Variants in C1QBP observed in about 807,000 individuals in gnomAD.
The protein encoded by C1QBP is complement component 1 Q subcomponent-binding protein, mitochondrial.
In C1QBP, 24 loss-of-function variants were observed where a neutral mutation model predicts 29.4. That is an observed-to-expected ratio of 0.82 (90% CI 0.59 to 1.15). The LOEUF is 1.15. Among genes scored for constraint, C1QBP ranks in the 50% most tolerant of loss-of-function variants. The probability of loss-of-function intolerance (pLI) is 0.00; values close to 1 mark genes in which losing one functional copy is unlikely to be tolerated. For synonymous variants in C1QBP, 182 were observed against 149.2 expected (o/e 1.22, Z -1.60); for missense variants, 337 against 355.8 (o/e 0.95, Z 0.43).
rs565317994 is a variant in C1QBP at position 5,438,131 on chromosome 17, G to A, written c.375C>T (p.Ala125=). 46 of 1,611,894 alleles carry A rather than the reference G, an allele frequency of 2.9e-5. 2 individuals are homozygous for A. Among genetic ancestry groups the A allele is most frequent in the African/African-American group, 1.3e-5 (1 of 74,838 alleles). ...CCCAGACCAGTACTTACTTTTCCCC[G>A]GCAACTTTCCGCACTAATTTCGCTT... ...GTEAKLVRKV[A]GEKITVTFNI... Residue 125 remains alanine, a synonymous_variant, in exon 2 of 6, where the codon GCC becomes GCT. Transcript: ENST00000225698.
Position 5,433,336 on chromosome 17 carries a change from C to CA in C1QBP, c.655dup (p.Trp219LeufsTer5). 1 of 1,614,206 alleles carries CA rather than the reference C, an allele frequency of 6.2e-7. No homozygotes were observed. Among genetic ancestry groups the CA allele is most frequent in the Non-Finnish European group, 8.5e-7 (1 of 1,180,044 alleles). ...GTTGAGTGTATAATTAGTATCCTTC[C>CA]ATTCAGACTCGCCAGTGGACTGAAA... is the stretch of plus-strand genomic sequence containing the variant. On this transcript the variant is annotated frameshift_variant, in exon 5 of 6. Transcript: ENST00000225698. LOFTEE classifies it high-confidence loss of function.
At chr17:5,434,746 G>A (rs1024278445) in intron 3 of C1QBP, 127 bp downstream of exon 3, 9 of 750,308 alleles carry the variant, frequency 1.2e-5, no homozygotes, top group South Asian at 7.3e-5. Flanking sequence ...GATTATAGGC[G>A]TGAGCCATGC....
chr17:5,433,041 G>A lies in C1QBP; in HGVS notation c.823C>T (p.Leu275Phe), dbSNP rs1555532484. The A allele has an allele frequency of 6.2e-7, 1 of 1,613,532 alleles. No homozygotes were observed. The highest frequency in any genetic ancestry group is 8.5e-7 in the Non-Finnish European group (1 of 1,179,872). ...HQEYITFLED[L>F]KSFVKSQ The stretch of plus-strand genomic sequence containing the variant: ...TACTGGCTCTTGACAAAACTCTTGA[G>A]GTCTTCAAGAAAAGTAATGTACTCC... Residue 275 changes from leucine to phenylalanine, a missense_variant, in exon 6 of 6, where the codon CTC (leucine) becomes TTC (phenylalanine). Physicochemically the swap from Leu to Phe is conservative, Grantham distance 22. Transcript: ENST00000225698.
chr17:5,438,861 G>GCAGCCA lies in C1QBP; in HGVS notation c.207_212dup (p.Cys71_Gly72dup), dbSNP rs1274519768. 6.7e-5 allele frequency: 104 copies of GCAGCCA among 1,545,568 alleles called. No individual in the cohort carries two copies. Among genetic ancestry groups the GCAGCCA allele is most frequent in the Middle Eastern group, 2.2e-4 (1 of 4,520 alleles). On this transcript the variant is annotated inframe_insertion, in exon 1 of 6. Transcript: ENST00000225698. ...CCTCACCGTCGGTGTGCAGCGAGCCGCAGCCACAGCCACAGGCGCAGGGTC... is the reference window on the plus strand; with the variant it reads ...CCTCACCGTCGGTGTGCAGCGAGCCGCAGCCACAGCCACAGCCACAGGCGCAGGGTC...
intron 3 of C1QBP, among the ~76,000 whole-genome samples, chr17:5,434,419 G>A (rs2151676388): frequency 6.6e-6 from 1 of 151,326 alleles, no homozygotes; most frequent in Non-Finnish European, 1.5e-5. Flanking sequence ...TGAAGAGTAG[G>A]CATGATCCAG....
Position 5,439,089 on chromosome 17 carries a change from G to C in C1QBP, c.-16C>G, listed in dbSNP as rs776202786. On this transcript the variant is annotated 5_prime_UTR_variant, in exon 1 of 6. Coordinates refer to ENST00000225698, the MANE Select transcript of C1QBP (RefSeq NM_001212.4). Reference sequence around the variant, plus strand: ...GAGGCAGCATCGCGGAAACGACTGCGAACACGTGCAGATGCAAAGGACAAC... The same window carrying C: ...GAGGCAGCATCGCGGAAACGACTGCCAACACGTGCAGATGCAAAGGACAAC... 1 of 1,540,432 alleles carries C rather than the reference G, an allele frequency of 6.5e-7. No individual in the cohort carries two copies. The highest frequency in any genetic ancestry group is 1.4e-5 in the African/African-American group (1 of 71,600).
chr17:5,432,891 TG>T lies in C1QBP; in HGVS notation c.*123del. 1 of 1,142,932 alleles carries T rather than the reference TG, an allele frequency of 8.7e-7. No homozygotes were observed. The highest frequency in any genetic ancestry group is 1.8e-5 in the South Asian group (1 of 56,800). 70.8% of individuals were successfully genotyped at this position (1,142,932 alleles called of 1,614,324 possible). A position where few individuals can be genotyped will look rare whatever the true frequency, so the allele number is the denominator to read the frequency against. On this transcript the variant is annotated 3_prime_UTR_variant, in exon 6 of 6. Coordinates refer to ENST00000225698, the MANE Select transcript of C1QBP (RefSeq NM_001212.4). The stretch of plus-strand genomic sequence containing the variant: ...GAACACAAAACATATAATTTAAATT[TG>T]GTATTTTTTCCCCCATGATATTAGG...
intron 4 of C1QBP, 77 bp downstream of exon 4, chr17:5,433,592 A>G (rs1280335655): frequency 1.3e-6 from 2 of 1,550,972 alleles, no homozygotes; most frequent in African/African-American, 2.7e-5. Context: ...AATTTCTGCT[A>G]AAATAGGGAC....
chr17:5,439,016 G>A lies in C1QBP; in HGVS notation c.58C>T (p.Arg20Cys). ...RVLGSSVAGL[R>C]AAAPASPFRQ... ...AAAGGCGAGGCGGGCGCGGCAGCGC[G>A]GAGGCCGGCGACGGAGGAGCCCAGC... Residue 20 changes from arginine to cysteine, a missense_variant, in exon 1 of 6, where the codon CGC becomes TGC. Coordinates refer to ENST00000225698, the MANE Select transcript of C1QBP (RefSeq NM_001212.4). 1 of 1,499,132 alleles carries A rather than the reference G, an allele frequency of 6.7e-7. No homozygotes were observed. 92.9% of individuals were successfully genotyped at this position (1,499,132 alleles called of 1,614,324 possible).
intron 1 of C1QBP, 80 bp downstream of exon 1, chr17:5,438,762 G>A (rs1044683964): frequency 9.0e-5 from 139 of 1,542,802 alleles, no homozygotes; most frequent in East Asian, 6.7e-4. Flanking sequence ...AGACCTCAGA[G>A]GTCGGTTGCA....
At position 5,433,367 on chromosome 17, in the gene C1QBP, C is replaced by T. The variant is rs763067723; in HGVS notation, c.625G>A (p.Val209Ile). ...GACTCGCCAGTGGACTGAAAGCTAACTTCCCTGATAGAGAAGATGTCACTC... is the reference window on the plus strand; with the variant it reads ...GACTCGCCAGTGGACTGAAAGCTAATTTCCCTGATAGAGAAGATGTCACTC... ...AESDIFSIRE[V>I]SFQSTGESEW... is the part of the protein sequence containing the mutation. The change falls in exon 5 of 6, where the codon GTT becomes ATT. Residue 209 changes from valine to isoleucine, a missense_variant. Coordinates refer to ENST00000225698, the MANE Select transcript of C1QBP (RefSeq NM_001212.4). 4 of 1,614,170 alleles carry T rather than the reference C, an allele frequency of 2.5e-6. No individual in the cohort carries two copies. Among genetic ancestry groups the T allele is most frequent in the Admixed American group, 1.7e-5 (1 of 60,026 alleles).
rs768833415 is a variant in C1QBP at position 5,433,338 on chromosome 17, T to C, written c.654A>G (p.Glu218=). 8 of 1,614,062 alleles carry C rather than the reference T, an allele frequency of 5.0e-6. No homozygotes were observed. The Admixed American group carries it at 1.0e-4, about 20-fold the overall frequency. The stretch of plus-strand genomic sequence containing the variant: ...TGAGTGTATAATTAGTATCCTTCCA[T>C]TCAGACTCGCCAGTGGACTGAAAGC... ...EVSFQSTGES[E]WKDTNYTLNT... The change falls in exon 5 of 6, where the codon GAA becomes GAG. Residue 218 remains glutamate (E), a synonymous_variant. Transcript: ENST00000225698.
At chr17:5,433,561 T>C in intron 4 of C1QBP, 108 bp downstream of exon 4, 1 of 1,521,000 alleles carries the variant, frequency 6.6e-7, no homozygotes, top group South Asian at 1.1e-5. Flanking sequence ...GCTGGGCTGG[T>C]CTAAGCTAGA....
chr17:5,433,812 G>A, intron 3 of C1QBP, 45 bp from the exon 4 acceptor site: 1 of 1,522,082 alleles, frequency 6.6e-7, no homozygotes, highest in Non-Finnish European at 9.1e-7. Flanking sequence ...GGAAGGAGAT[G>A]GATGGCTGGA....
Position 5,432,839 on chromosome 17 carries a change from T to C in C1QBP, c.*176A>G. On this transcript the variant is annotated 3_prime_UTR_variant, in exon 6 of 6. Coordinates refer to ENST00000225698, the MANE Select transcript of C1QBP (RefSeq NM_001212.4). ...TACAAAAATCTAGAAATAATAGATT[T>C]GTACAGAAAAAAATGATAATAAATG... 1 of 935,324 alleles carries C rather than the reference T, an allele frequency of 1.1e-6. No homozygotes were observed. The highest frequency in any genetic ancestry group is 1.5e-6 in the Non-Finnish European group (1 of 657,862). 57.9% of individuals were successfully genotyped at this position (935,324 alleles called of 1,614,324 possible).
intron 2 of C1QBP, among the ~76,000 whole-genome samples, chr17:5,435,239 T>C (rs542018815): frequency 1.3e-5 from 2 of 152,256 alleles, no homozygotes; most frequent in South Asian, 2.1e-4. Flanking sequence ...AAACAAGTCA[T>C]GCATGGGTTA....
chr17:5,435,767 C>T (rs1174286184), intron 2 of C1QBP, among the ~76,000 whole-genome samples: 2 of 151,496 alleles, frequency 1.3e-5, no homozygotes, highest in African/African-American at 4.9e-5. Context: ...CAGTGGCTCA[C>T]GCCTGTAATC....
At chr17:5,435,066 G>T in intron 2 of C1QBP, 100 bp from the exon 3 acceptor site, 2 of 1,061,780 alleles carry the variant, frequency 1.9e-6, no homozygotes, top group Non-Finnish European at 2.9e-6. Flanking sequence ...CAGTTAAAAA[G>T]GCGTATTGAA....
At chr17:5,436,096 T>A (rs1774531619) in intron 2 of C1QBP, among the ~76,000 whole-genome samples, 1 of 148,652 alleles carries the variant, frequency 6.7e-6, no homozygotes, top group African/African-American at 2.5e-5. Flanking sequence ...CCACTTGTGC[T>A]AACTAGCTGC....
Sources: allele counts gnomAD v4.1 joint callset (sites outside exome capture counted in the v4.1 genomes callset), GRCh38; gene constraint gnomAD v4.1.1; transcripts MANE v1.5; gene names NCBI Gene and HGNC (gene_info 2026-07-23, HGNC 2026-07-21).